Variants in PALLD observed in about 807,000 individuals in gnomAD.
PALLD encodes the protein palladin.
Under a neutral mutation model 123.5 loss-of-function variants are expected in PALLD, and 61 were observed. The observed-to-expected ratio is 0.49, with a 90% CI of 0.40 to 0.61. The LOEUF (loss-of-function observed/expected upper bound fraction) is 0.61. PALLD is among the 20% of genes least tolerant of loss of function. The pLI is 0.00. For synonymous variants in PALLD, 465 were observed against 496.4 expected, an observed-to-expected ratio of 0.94 and a Z score of 0.84; for missense variants, 1,273 against 1,377.0, an observed-to-expected ratio of 0.92 and a Z score of 1.20.
intron 2 of PALLD, among the ~76,000 whole-genome samples, chr4:168,594,864 G>T (rs1454670043): frequency 6.6e-6 from 1 of 152,084 alleles, no homozygotes; most frequent in African/African-American, 2.4e-5. Flanking sequence ...CAAGAACAAG[G>T]TTAACATAAC....
intron 2 of PALLD, among the ~76,000 whole-genome samples, chr4:168,596,128 T>C (rs1476365914): frequency 6.6e-6 from 1 of 152,102 alleles, no homozygotes; most frequent in Non-Finnish European, 1.5e-5. Context: ...AATGAAAATG[T>C]CTTGAGTACC....
intron 2 of PALLD, among the ~76,000 whole-genome samples, chr4:168,622,477 C>A (rs1261134062): frequency 1.3e-5 from 2 of 152,200 alleles, no homozygotes; most frequent in Admixed American, 1.3e-4. Context: ...AGAAAACATT[C>A]TCCTGAAGTG....
chr4:168,538,094 T>C (rs1765261625), intron 2 of PALLD, among the ~76,000 whole-genome samples: 2 of 152,244 alleles, frequency 1.3e-5, no homozygotes, highest in African/African-American at 4.8e-5. Context: ...TGAATTGTGC[T>C]TATACATAGG....
At chr4:168,761,150 C>T (rs1365139060) in intron 10 of PALLD, among the ~76,000 whole-genome samples, 3 of 152,158 alleles carry the variant, frequency 2.0e-5, no homozygotes, top group Non-Finnish European at 2.9e-5. Context: ...TATATTAGAA[C>T]GCTGCTGTGG....
chr4:168,809,838 T>C (rs1740802285), intron 10 of PALLD, among the ~76,000 whole-genome samples: 1 of 146,828 alleles, frequency 6.8e-6, no homozygotes, highest in African/African-American at 2.5e-5. Flanking sequence ...CACTCCAGCC[T>C]GGGTGACAGA....
At chr4:168,815,731 C>T (rs114368777) in intron 10 of PALLD, among the ~76,000 whole-genome samples, 1 of 152,090 alleles carries the variant, frequency 6.6e-6, no homozygotes, top group Non-Finnish European at 1.5e-5. Context: ...GGAATTAACA[C>T]GGTGGACGAG....
At chr4:168,515,690 C>T (rs1762923326) in intron 2 of PALLD, among the ~76,000 whole-genome samples, 1 of 152,126 alleles carries the variant, frequency 6.6e-6, no homozygotes, top group Non-Finnish European at 1.5e-5. Context: ...GATACAGGAG[C>T]TGGAACACGG....
At chr4:168,773,844 A>G (rs552481703) in intron 10 of PALLD, among the ~76,000 whole-genome samples, 25 of 152,256 alleles carry the variant, frequency 1.6e-4, no homozygotes, top group African/African-American at 5.3e-4. Flanking sequence ...ACCCAACTTC[A>G]GATAGCATTT....
chr4:168,794,243 A>G (rs921087430), intron 10 of PALLD, among the ~76,000 whole-genome samples: 3 of 152,106 alleles, frequency 2.0e-5, no homozygotes, highest in Non-Finnish European at 4.4e-5. Flanking sequence ...AAACTCCTGC[A>G]TGCCCTATGG....
intron 2 of PALLD, among the ~76,000 whole-genome samples, chr4:168,658,284 G>GT (rs755942969): frequency 0.12 from 13,963 of 120,472 alleles, 1,307 homozygotes; most frequent in African/African-American, 0.23. Flanking sequence ...GTTTTTATTT[G>GT]GTTTTTTTTT....
At position 168,511,573 on chromosome 4, in the gene PALLD, T is replaced by C. The variant is rs765408388; in HGVS notation, c.69T>C (p.Asn23=). 15 of 1,614,116 alleles carry C rather than the reference T, an allele frequency of 9.3e-6. No homozygotes were observed. The South Asian group carries it at 1.6e-4, about 18-fold the overall frequency. The change falls in exon 2 of 22, where the codon AAT becomes AAC. Residue 23 remains asparagine, a synonymous_variant. Transcript: ENST00000505667. The part of the protein sequence containing the change: ...SLSDMQEESK[N]TDFFPGLSAF... ...CAGACATGCAGGAAGAAAGCAAGAATACTGACTTCTTCCCGGGCCTTTCTG... is the reference window on the plus strand; with the variant it reads ...CAGACATGCAGGAAGAAAGCAAGAACACTGACTTCTTCCCGGGCCTTTCTG...
intron 10 of PALLD, among the ~76,000 whole-genome samples, chr4:168,813,101 C>CT (rs201230288): frequency 0.062 from 5,426 of 86,896 alleles, 227 homozygotes; most frequent in East Asian, 0.19. Context: ...GAAAAACGTA[C>CT]TTTTGGGGGG....
intron 10 of PALLD, among the ~76,000 whole-genome samples, chr4:168,854,291 C>T (rs1581772876): frequency 6.6e-6 from 1 of 152,186 alleles, no homozygotes; most frequent in East Asian, 1.9e-4. Flanking sequence ...AGACAATAAA[C>T]AAGCAGTTAT....
Position 168,896,595 on chromosome 4 carries a change from A to C in PALLD, c.2246A>C (p.Gln749Pro). Residue 749 changes from glutamine to proline, a missense_variant, in exon 13 of 22, where the codon CAA becomes CCA. Gln to Pro is a moderately conservative substitution (Grantham distance 76). Transcript: ENST00000505667. Reference sequence around the variant, plus strand: ...TCTGTAGGGAGTCCTCTGGATGGTCAAAAGGTTAAGCTTTTCACCTTTCTT... The same window carrying C: ...TCTGTAGGGAGTCCTCTGGATGGTCCAAAGGTTAAGCTTTTCACCTTTCTT... ...HASVGSPLDGQKEYKVSSCEQ... is the reference protein window; with the variant it reads ...HASVGSPLDGPKEYKVSSCEQ... 1 of 1,504,660 alleles carries C rather than the reference A, an allele frequency of 6.6e-7. No homozygotes were observed. The highest frequency in any genetic ancestry group is 8.9e-7 in the Non-Finnish European group (1 of 1,117,706). The allele number at this position is 1,504,660 out of a possible 1,614,324, so 93.2% of individuals were successfully genotyped here.
At chr4:168,804,105 G>A (rs1490478839) in intron 10 of PALLD, among the ~76,000 whole-genome samples, 2 of 152,256 alleles carry the variant, frequency 1.3e-5, no homozygotes, top group South Asian at 2.1e-4. Flanking sequence ...CATAAGTACT[G>A]CCCTTGAGAG....
intron 2 of PALLD, among the ~76,000 whole-genome samples, chr4:168,573,314 T>A (rs983441301): frequency 5.9e-5 from 9 of 151,978 alleles, no homozygotes; most frequent in African/African-American, 4.8e-5. Flanking sequence ...TTTTTTTTTG[T>A]TAATTGTGTA....
chr4:168,787,240 AAT>A (rs1482173901), intron 10 of PALLD, among the ~76,000 whole-genome samples: 1 of 152,222 alleles, frequency 6.6e-6, no homozygotes, highest in Non-Finnish European at 1.5e-5. Flanking sequence ...TCAGCCAGGT[AAT>A]CAGGAATCCT....
chr4:168,675,043 T>C (rs138212132), intron 3 of PALLD, among the ~76,000 whole-genome samples: 12 of 152,174 alleles, frequency 7.9e-5, no homozygotes, highest in East Asian at 1.9e-4. Context: ...CCTATGTAAA[T>C]AGGAAAGATC....
intron 5 of PALLD, among the ~76,000 whole-genome samples, chr4:168,685,155 T>C (rs1353541529): frequency 1.3e-5 from 2 of 152,200 alleles, no homozygotes; most frequent in African/African-American, 2.4e-5. Flanking sequence ...ATAAAATACA[T>C]TGTCTACGAG....
Sources: allele counts gnomAD v4.1 joint callset (sites outside exome capture counted in the v4.1 genomes callset), GRCh38; gene constraint gnomAD v4.1.1; transcripts MANE v1.5; gene names NCBI Gene and HGNC (gene_info 2026-07-23, HGNC 2026-07-21).